Variants in CDKL3 observed in about 807,000 individuals in gnomAD.
CDKL3 encodes the protein cyclin-dependent kinase-like 3.
Under a neutral mutation model 69.3 loss-of-function variants are expected in CDKL3, and 65 were observed. The observed-to-expected ratio is 0.94, with a 90% CI of 0.77 to 1.15. The LOEUF (loss-of-function observed/expected upper bound fraction) is 1.15, where lower values mean the gene tolerates loss of function less well. Among genes scored for constraint, CDKL3 ranks in the 50% most tolerant of loss-of-function variants. The probability of loss-of-function intolerance (pLI) is 0.00; values close to 1 mark genes in which losing one functional copy is unlikely to be tolerated. For synonymous variants in CDKL3, 202 were observed against 221.6 expected, an observed-to-expected ratio of 0.91 and a Z score of 0.79; for missense variants, 652 against 689.2, an observed-to-expected ratio of 0.95 and a Z score of 0.61.
At chr5:134,292,095 T>G (rs1765146957) in intron 8 of CDKL3, among the ~76,000 whole-genome samples, 2 of 152,210 alleles carry the variant, frequency 1.3e-5, no homozygotes, top group African/African-American at 4.8e-5. Flanking sequence ...AGTAAAGATA[T>G]GATATTTAAA....
chr5:134,311,312 T>C (rs1769429335), intron 7 of CDKL3, among the ~76,000 whole-genome samples: 1 of 152,202 alleles, frequency 6.6e-6, no homozygotes, highest in Non-Finnish European at 1.5e-5. Context: ...GAGACCAGCC[T>C]GGCCAAAATG....
chr5:134,326,929 T>C (rs73788627), intron 4 of CDKL3, among the ~76,000 whole-genome samples: 3,500 of 149,622 alleles, frequency 0.023, 92 homozygotes, highest in African/African-American at 0.061. Flanking sequence ...TTATTTATCC[T>C]CTAAAAACTA....
chr5:134,357,229 A>G (rs1178634893), intron 3 of CDKL3, among the ~76,000 whole-genome samples: 1 of 151,922 alleles, frequency 6.6e-6, no homozygotes, highest in Admixed American at 6.6e-5. Context: ...GCGGATCACG[A>G]GGTCAGGAGT....
intron 11 of CDKL3, among the ~76,000 whole-genome samples, chr5:134,303,933 A>T (rs1221464709): frequency 6.7e-6 from 1 of 148,352 alleles, no homozygotes; most frequent in African/African-American, 2.5e-5. Flanking sequence ...TTAATTAAAA[A>T]AAAATTTTTT....
intron 4 of CDKL3, among the ~76,000 whole-genome samples, chr5:134,330,439 G>C (rs1011714660): frequency 6.6e-6 from 1 of 152,326 alleles, no homozygotes; most frequent in East Asian, 1.9e-4. Flanking sequence ...TTTTGGCCAG[G>C]TGTAGTGGCT....
intron 8 of CDKL3, among the ~76,000 whole-genome samples, chr5:134,289,221 G>C (rs1765015414): frequency 6.7e-6 from 1 of 149,660 alleles, no homozygotes; most frequent in South Asian, 2.1e-4. Flanking sequence ...CCAGGAGTTT[G>C]CAGGTACACT....
chr5:134,289,800 A>T (rs115225467), intron 8 of CDKL3, among the ~76,000 whole-genome samples: 280 of 152,310 alleles, frequency 1.8e-3, no homozygotes, highest in African/African-American at 6.5e-3. Context: ...AGGGGCATAC[A>T]GACCATGTAA....
rs547250152 is a variant in CDKL3, at chr5:134,325,519, T to C, written c.540-3616A>G. 2.2e-4 allele frequency among the ~76,000 whole-genome samples: 34 copies of C among 152,202 alleles called. No homozygotes were observed. The South Asian group carries it at 6.6e-3, about 30-fold the overall frequency. On this transcript the variant is annotated intron_variant, in intron 4 of 12. Transcript: ENST00000265334. ...CACATATGTGTATGTTCAGCTTTAA[T>C]TGTTATTTAATAACAGTTTTCCAGA...
At chr5:134,312,550 T>C (rs574047997) in intron 6 of CDKL3, among the ~76,000 whole-genome samples, 170 bp from the exon 7 acceptor site, 444 of 152,388 alleles carry the variant, frequency 2.9e-3, no homozygotes, top group African/African-American at 0.01. Context: ...TGGCTGTTTA[T>C]TTCCCTAAGG....
intron 4 of CDKL3, among the ~76,000 whole-genome samples, chr5:134,322,934 A>G (rs1313363730): frequency 1.3e-5 from 2 of 151,960 alleles, no homozygotes; most frequent in East Asian, 3.9e-4. Context: ...AGCCGAGATC[A>G]TGCCATTGCA....
intron 4 of CDKL3, among the ~76,000 whole-genome samples, chr5:134,348,020 T>C (rs2149590383): frequency 6.6e-6 from 1 of 152,282 alleles, no homozygotes; most frequent in East Asian, 1.9e-4. Flanking sequence ...ACTTGTAAGA[T>C]ATATGAATCA....
At chr5:134,324,358 G>A (rs1773558012) in intron 4 of CDKL3, among the ~76,000 whole-genome samples, 1 of 152,218 alleles carries the variant, frequency 6.6e-6, no homozygotes, top group Non-Finnish European at 1.5e-5. Context: ...ACCCAAGTGA[G>A]TAGAACACTT....
chr5:134,294,666 AAAGG>A (rs1194549369), downstream of CDKL3, among the ~76,000 whole-genome samples: 1 of 151,942 alleles, frequency 6.6e-6, no homozygotes, highest in African/African-American at 2.4e-5. Context: ...GGAGAAGAAG[AAAGG>A]AAGGTAGGAA....
At chr5:134,344,124 T>TA (rs1751221797) in intron 4 of CDKL3, among the ~76,000 whole-genome samples, 1 of 152,234 alleles carries the variant, frequency 6.6e-6, no homozygotes, top group Non-Finnish European at 1.5e-5. Flanking sequence ...CTTGGACTCT[T>TA]ACCTTATAGC....
At position 134,311,929 on chromosome 5, in the gene CDKL3, G is replaced by C. The variant is rs191093724; in HGVS notation, c.881+363C>G. Among the ~76,000 whole-genome samples the C allele has an allele frequency of 3.1e-3, 471 of 152,126 alleles. 15 individuals carry two copies. Among genetic ancestry groups the C allele is most frequent in the Non-Finnish European group, 7.6e-4 (52 of 68,006 alleles). On this transcript the variant is annotated intron_variant, in intron 7 of 12. Transcript: ENST00000265334. Reference sequence around the variant, plus strand: ...CCCACCTGAGCCTCCCGAGTAGCTGGGACTACAAGCGTGTGCCACCACACC... The same window carrying C: ...CCCACCTGAGCCTCCCGAGTAGCTGCGACTACAAGCGTGTGCCACCACACC...
intron 4 of CDKL3, among the ~76,000 whole-genome samples, chr5:134,342,713 C>G (rs1750820603): frequency 6.6e-6 from 1 of 152,144 alleles, no homozygotes; most frequent in South Asian, 2.1e-4. Flanking sequence ...CAGCAATAAC[C>G]TCCAAACTAA....
At chr5:134,284,276 G>A (rs111420610), downstream of CDKL3, among the ~76,000 whole-genome samples, 11 of 152,294 alleles carry the variant, frequency 7.2e-5, no homozygotes, top group South Asian at 4.1e-4. Flanking sequence ...CTGGGCCTCC[G>A]GGGGTGACAT....
Position 134,350,355 on chromosome 5 carries a change from C to T in CDKL3, c.433G>A (p.Gly145Ser), listed in dbSNP as rs1305381956. ...GGAGCTGCTAGTGTTCGTGCAAAAC[C>T]AAAATCACAGAGCTTAGTAATTCCT... The part of the protein sequence containing the change: ...QSGITKLCDF[G>S]FARTLAAPGD... The change falls in exon 4 of 13, where the codon GGT (glycine) becomes AGT (serine). Residue 145 changes from glycine (G) to serine (S), a missense_variant. Transcript: ENST00000265334. 1.3e-6 allele frequency: 2 copies of T among 1,587,262 alleles called. No individual in the cohort carries two copies. Among genetic ancestry groups the T allele is most frequent in the Non-Finnish European group, 1.7e-6 (2 of 1,166,108 alleles).
In CDKL3 at chr5:134,310,150, C is replaced by T. The variant is rs1035189823; in HGVS notation, c.882-1423G>A. 2.0e-5 allele frequency among the ~76,000 whole-genome samples: 3 copies of T among 149,250 alleles called. No homozygotes were observed. In the South Asian group the frequency reaches 6.3e-4, roughly 32 times the overall value. On this transcript the variant is annotated intron_variant, in intron 7 of 12. Coordinates refer to ENST00000265334, the MANE Select transcript of CDKL3 (RefSeq NM_001113575.2). ...CCAGCCAATAACTGCCACTTTTTAT[C>T]AATGGCACTTCATTTTATTTTTTAT...
Sources: allele counts gnomAD v4.1 joint callset (sites outside exome capture counted in the v4.1 genomes callset), GRCh38; gene constraint gnomAD v4.1.1; transcripts MANE v1.5; gene names NCBI Gene and HGNC (gene_info 2026-07-23, HGNC 2026-07-21).